Variants in SEMA3A observed in about 807,000 individuals in gnomAD.
SEMA3A encodes the protein semaphorin-3A.
Under a neutral mutation model 97.9 loss-of-function variants are expected in SEMA3A, and 29 were observed. The ratio of observed to expected loss-of-function variants is 0.30; its 90% CI spans 0.22 to 0.40. SEMA3A has a LOEUF of 0.40. Among genes scored for constraint, SEMA3A ranks in the 10% least tolerant of loss-of-function variants. The pLI is 1.00. For missense variants in SEMA3A, 763 were observed against 951.3 expected (o/e 0.80, Z 2.60); for synonymous variants, 321 against 323.7 (o/e 0.99, Z 0.09).
chr7:84,079,440 C>T (rs1338270918), intron 4 of SEMA3A, among the ~76,000 whole-genome samples: 5 of 150,688 alleles, frequency 3.3e-5, no homozygotes, highest in Admixed American at 1.3e-4. Flanking sequence ...AGAAAATTTT[C>T]GCAACCTACT....
chr7:84,281,623 A>G (rs753976585), intron 3 of SEMA3A, among the ~76,000 whole-genome samples: 4 of 152,198 alleles, frequency 2.6e-5, no homozygotes, highest in Admixed American at 6.6e-5. Context: ...ATCATTATCA[A>G]TTTCTTATAG....
chr7:84,219,341 C>G (rs1798821586), intron 3 of SEMA3A, among the ~76,000 whole-genome samples: 1 of 152,066 alleles, frequency 6.6e-6, no homozygotes, highest in African/African-American at 2.4e-5. Flanking sequence ...GGTGGGAGAA[C>G]ATATCTAAGT....
chr7:84,208,434 A>AGAGC (rs1372772033), intron 3 of SEMA3A, among the ~76,000 whole-genome samples: 3 of 151,572 alleles, frequency 2.0e-5, no homozygotes, highest in South Asian at 2.1e-4. Context: ...CCTGGGTGAC[A>AGAGC]GAGACTCCGT....
At chr7:84,266,971 A>T (rs1800022716) in intron 3 of SEMA3A, among the ~76,000 whole-genome samples, 1 of 152,150 alleles carries the variant, frequency 6.6e-6, no homozygotes, top group Admixed American at 6.6e-5. Context: ...AATACTTTGC[A>T]TTAAAATGTA....
At chr7:84,017,290 T>C (rs988749287) in intron 6 of SEMA3A, among the ~76,000 whole-genome samples, 5 of 152,264 alleles carry the variant, frequency 3.3e-5, no homozygotes, top group Admixed American at 3.3e-4. Context: ...TAGTGGGAAA[T>C]AACTCAATCA....
chr7:84,337,955 G>C (rs929855191), intron 2 of SEMA3A, among the ~76,000 whole-genome samples: 1 of 151,944 alleles, frequency 6.6e-6, no homozygotes, highest in African/African-American at 2.4e-5. Flanking sequence ...AAACCCCACT[G>C]GTCAGGGACA....
At position 84,307,206 on chromosome 7, in the gene SEMA3A, C is replaced by G. The variant is rs1801182299; in HGVS notation, c.-83+1G>C. 4 of 152,058 alleles carry G rather than the reference C, an allele frequency of 2.6e-5. No individual in the cohort carries two copies. The South Asian group carries it at 8.3e-4, about 32-fold the overall frequency. The allele number at this position is 152,058 out of a possible 1,614,324, so 9.4% of individuals were successfully genotyped here. A position where few individuals can be genotyped will look rare whatever the true frequency, so the allele number is the denominator to read the frequency against. On this transcript the variant is annotated splice_donor_variant, in intron 3 of 3. Transcript: ENST00000424555. LOFTEE classifies it low-confidence loss of function (5UTR_SPLICE). ...AATGTGTATAAGTTTAATTATCTTA[C>G]CTTCTTTTAGGAAAAATTCTTAATT...
chr7:84,425,332 A>G (rs1804774647), intron 1 of SEMA3A, among the ~76,000 whole-genome samples: 1 of 62,622 alleles, frequency 1.6e-5, no homozygotes, highest in African/African-American at 1.3e-4. Context: ...AAATATAAAT[A>G]TAATATATTG....
At chr7:84,351,112 A>C (rs1450902329) in intron 2 of SEMA3A, among the ~76,000 whole-genome samples, 1 of 151,930 alleles carries the variant, frequency 6.6e-6, no homozygotes, top group African/African-American at 2.4e-5. Flanking sequence ...AAAATAACAC[A>C]CTAGAACATA....
Position 84,005,448 on chromosome 7 carries a change from G to T in SEMA3A, c.1251C>A (p.Asn417Lys). The change falls in exon 11 of 17, where the codon AAC becomes AAA. Residue 417 changes from asparagine to lysine, a missense_variant. By Grantham distance (94) the Asn-to-Lys change is moderately conservative. Transcript: ENST00000265362. ...CCGTTTTGATCACTATTGGGCGATT[G>T]TTCATAGGAAACACTGGATTGTACA... ...PAMYNPVFPM[N>K]NRPIVIKTDV... 1 of 1,613,580 alleles carries T rather than the reference G, an allele frequency of 6.2e-7. No homozygotes were observed. The highest frequency in any genetic ancestry group is 1.6e-4 in the Middle Eastern group (1 of 6,062).
chr7:84,429,519 TATATATATATATATA>T (rs1804915826), intron 1 of SEMA3A, among the ~76,000 whole-genome samples: 2 of 91,408 alleles, frequency 2.2e-5, no homozygotes, highest in Admixed American at 1.4e-4. Flanking sequence ...GAGTTTGTTA[TATATATATATATATA>T]TATATATATA....
intron 6 of SEMA3A, among the ~76,000 whole-genome samples, chr7:84,034,563 C>T (rs920841498): frequency 2.0e-5 from 3 of 152,188 alleles, no homozygotes; most frequent in East Asian, 1.9e-4. Context: ...TACATGCTCT[C>T]TGTTGTTCAT....
At chr7:84,174,087 C>CT (rs765908728) in intron 1 of SEMA3A, among the ~76,000 whole-genome samples, 1 of 151,974 alleles carries the variant, frequency 6.6e-6, no homozygotes, top group Non-Finnish European at 1.5e-5. Flanking sequence ...GAAACCCTAT[C>CT]AGTCAGTAGC....
At chr7:84,299,967 G>A (rs533913973) in intron 3 of SEMA3A, among the ~76,000 whole-genome samples, 1 of 148,236 alleles carries the variant, frequency 6.7e-6, no homozygotes, top group East Asian at 2.0e-4. Flanking sequence ...GGGAGGCGGA[G>A]GTTGTGGTGA....
chr7:84,388,807 ATGT>A (rs1803466897), intron 1 of SEMA3A, among the ~76,000 whole-genome samples: 1 of 152,000 alleles, frequency 6.6e-6, no homozygotes, highest in African/African-American at 2.4e-5. Flanking sequence ...TTCTCCTGAA[ATGT>A]TGTATGATTC....
At chr7:84,091,309 G>A (rs74639815) in intron 4 of SEMA3A, among the ~76,000 whole-genome samples, 54,053 of 138,998 alleles carry the variant, frequency 0.39, 12,888 homozygotes, top group Non-Finnish European at 0.5. Context: ...AAAAAGAAAG[G>A]AAGGAAGGAA....
chr7:83,963,808 T>G (rs544799177), intron 15 of SEMA3A, among the ~76,000 whole-genome samples: 17 of 152,296 alleles, frequency 1.1e-4, no homozygotes, highest in African/African-American at 4.1e-4. Context: ...GTGTGTTTAT[T>G]TTTTATCTGT....
intron 1 of SEMA3A, among the ~76,000 whole-genome samples, chr7:84,470,213 C>T (rs1053377605): frequency 1.1e-4 from 17 of 151,930 alleles, no homozygotes; most frequent in African/African-American, 3.6e-4. Context: ...AATTTGTAAA[C>T]CCTCTTTTGT....
rs372973961 is a variant in SEMA3A at position 84,254,477 on chromosome 7, G to A, written c.-83+52730C>T. Among the ~76,000 whole-genome samples, 8 of 152,140 alleles carry A rather than the reference G, an allele frequency of 5.3e-5. No homozygotes were observed. In the East Asian group the frequency reaches 5.8e-4, roughly 11 times the overall value. On this transcript the variant is annotated intron_variant, in intron 3 of 3. Coordinates refer to the SEMA3A transcript ENST00000424555. ...TGAGTGCTATGATCTAAAAGTATAC[G>A]TGTTTGTACCCGAGTTGATCTGCGG...
Sources: gnomAD v4.1 joint callset for allele counts (sites outside exome capture counted in the v4.1 genomes callset) on GRCh38, gnomAD v4.1.1 for gene constraint, MANE v1.5 for transcripts, NCBI Gene and HGNC (gene_info 2026-07-23, HGNC 2026-07-21) for gene names.